Variants in SEH1L observed in about 807,000 individuals in gnomAD.
SEH1L encodes nucleoporin SEH1.
In SEH1L, 18 loss-of-function variants were observed where a neutral mutation model predicts 49.5. The ratio of observed to expected loss-of-function variants is 0.36; its 90% CI spans 0.25 to 0.54. The LOEUF is 0.54. SEH1L is among the 20% of genes least tolerant of loss of function. The probability of loss-of-function intolerance (pLI) is 0.87; values close to 1 mark genes in which losing one functional copy is unlikely to be tolerated. For missense variants in SEH1L, 404 were observed against 528.8 expected (o/e 0.76, Z 2.31); for synonymous variants, 169 against 178.1 (o/e 0.95, Z 0.41).
At chr18:12,949,033 T>G (rs1199950952) in intron 1 of SEH1L, among the ~76,000 whole-genome samples, 1 of 150,984 alleles carries the variant, frequency 6.6e-6, no homozygotes, top group Non-Finnish European at 1.5e-5. Context: ...TTTTTTTTTG[T>G]ATTTTTTAGT....
At chr18:12,960,929 T>G (rs2031143421) in intron 3 of SEH1L, among the ~76,000 whole-genome samples, 1 of 152,134 alleles carries the variant, frequency 6.6e-6, no homozygotes, top group African/African-American at 2.4e-5. Context: ...GAGTGGAAAT[T>G]TGTTAAAAAA....
At chr18:12,985,290 T>C in intron 8 of SEH1L, 3 of 1,603,670 alleles carry the variant, frequency 1.9e-6, no homozygotes, top group Non-Finnish European at 2.6e-6. Flanking sequence ...GTTTTGCTGC[T>C]TGTTGCATGC....
chr18:12,980,129 A>G (rs2032133863), intron 6 of SEH1L, among the ~76,000 whole-genome samples: 1 of 100,506 alleles, frequency 9.9e-6, no homozygotes, highest in Non-Finnish European at 1.9e-5. Flanking sequence ...GTCCGGGCAG[A>G]GGGGCTCCTC....
intron 7 of SEH1L, chr18:12,982,909 GAATATGC>G (rs1429542375): frequency 2.8e-6 from 1 of 351,744 alleles, no homozygotes; most frequent in East Asian, 5.2e-5. Context: ...AATTACAACA[GAATATGC>G]AATATCTCCA....
At chr18:12,979,767 C>G (rs2032096765) in intron 6 of SEH1L, among the ~76,000 whole-genome samples, 1 of 143,548 alleles carries the variant, frequency 7.0e-6, no homozygotes. Context: ...CACCTCCCTC[C>G]CGGACGGGGC....
intron 7 of SEH1L, 110 bp downstream of exon 7, chr18:12,982,785 T>C (rs1164817791): frequency 1.8e-5 from 14 of 774,222 alleles, no homozygotes; most frequent in Admixed American, 2.7e-5. Context: ...ACAGTTACTT[T>C]TAATGTCATA....
intron 5 of SEH1L, chr18:12,973,547 A>C (rs1237213466): frequency 1.3e-5 from 2 of 152,110 alleles, no homozygotes; most frequent in Non-Finnish European, 2.9e-5. Flanking sequence ...TGATCCACCC[A>C]CCTCGGCCTC....
At chr18:12,962,131 C>A (rs2031204803) in intron 3 of SEH1L, among the ~76,000 whole-genome samples, 1 of 152,030 alleles carries the variant, frequency 6.6e-6, no homozygotes, top group South Asian at 2.1e-4. Flanking sequence ...TGCAGTGGCT[C>A]ACACCTGTAA....
At chr18:12,958,575 G>C (rs1390635487) in intron 3 of SEH1L, among the ~76,000 whole-genome samples, 1 of 152,006 alleles carries the variant, frequency 6.6e-6, no homozygotes, top group Non-Finnish European at 1.5e-5. Flanking sequence ...AATTTGACTA[G>C]GTACTGCATG....
intron 7 of SEH1L, 99 bp downstream of exon 7, chr18:12,982,774 T>C: frequency 1.1e-6 from 1 of 913,068 alleles, no homozygotes. Flanking sequence ...AATGGTCTTT[T>C]ACAGTTACTT....
rs572760194 is a variant in SEH1L at position 12,952,119 on chromosome 18, C to T, written c.162+214C>T. Among the ~76,000 whole-genome samples, 135 of 150,534 alleles carry T rather than the reference C, an allele frequency of 9.0e-4. 1 individual carries two copies. The highest frequency in any genetic ancestry group is 3.2e-3 in the African/African-American group (129 of 40,888). On this transcript the variant is annotated intron_variant, in intron 2 of 8. Transcript: ENST00000399892. ...TTCTGTAGCATTCTAACATAATTAT[C>T]TTAGTAATTCAGAATATTCCTTTTG...
At chr18:12,950,606 T>C (rs979952575) in intron 1 of SEH1L, among the ~76,000 whole-genome samples, 1 of 152,210 alleles carries the variant, frequency 6.6e-6, no homozygotes, top group African/African-American at 2.4e-5. Context: ...ATTTTATGTA[T>C]TTTGAATGAT....
chr18:12,979,674 C>A (rs1310955328), intron 6 of SEH1L, among the ~76,000 whole-genome samples: 1 of 142,550 alleles, frequency 7.0e-6, no homozygotes, highest in African/African-American at 2.6e-5. Context: ...ACCTCCCGGA[C>A]GGGGTGGCTG....
chr18:12,952,648 A>T (rs1278281984), intron 2 of SEH1L, among the ~76,000 whole-genome samples: 1 of 152,098 alleles, frequency 6.6e-6, no homozygotes, highest in African/African-American at 2.4e-5. Flanking sequence ...CTTTTCTCTC[A>T]AACTCAGAAA....
rs753351887 is a variant in SEH1L, at chr18:12,971,237, T to C, written c.606T>C (p.Tyr202=). Residue 202 remains tyrosine, a synonymous_variant, in exon 5 of 9, where the codon TAT becomes TAC. Coordinates refer to ENST00000399892, the MANE Select transcript of SEH1L (RefSeq NM_001013437.2). ...NAMAKVQIFE[Y]NENTRKYAKA... ...TGGCCAAGGTTCAGATTTTTGAATA[T>C]AATGAAAACACCAGGTCAGTCCTGC... 3 of 1,609,740 alleles carry C rather than the reference T, an allele frequency of 1.9e-6. No individual in the cohort carries two copies. In the Admixed American group the frequency reaches 5.0e-5, roughly 27 times the overall value.
chr18:12,980,039 C>T (rs1363167054), intron 6 of SEH1L, among the ~76,000 whole-genome samples: 4 of 135,904 alleles, frequency 2.9e-5, no homozygotes, highest in African/African-American at 1.1e-4. Flanking sequence ...GCGGCTGACC[C>T]CCCCACCTCC....
intron 3 of SEH1L, among the ~76,000 whole-genome samples, chr18:12,955,893 A>G (rs989099943): frequency 3.3e-5 from 5 of 152,070 alleles, no homozygotes; most frequent in African/African-American, 1.2e-4. Context: ...TATGATAGTA[A>G]TATATGATTT....
chr18:12,982,760 T>A (rs192091365), intron 7 of SEH1L, 85 bp downstream of exon 7: 41,439 of 1,120,510 alleles, frequency 0.037, 1,068 homozygotes, highest in Middle Eastern at 0.073. Flanking sequence ...AAATATTTTT[T>A]GAAAATGGTC....
At chr18:12,948,308 G>T (rs1389426527) in intron 1 of SEH1L, 76 bp downstream of exon 1, 7 of 1,084,076 alleles carry the variant, frequency 6.5e-6, no homozygotes, top group Non-Finnish European at 8.3e-6. Flanking sequence ...GGGGAACGGG[G>T]CTGTGTCTTG....
Sources: gnomAD v4.1 joint callset for allele counts (sites outside exome capture counted in the v4.1 genomes callset) on GRCh38, gnomAD v4.1.1 for gene constraint, MANE v1.5 for transcripts, NCBI Gene and HGNC (gene_info 2026-07-23, HGNC 2026-07-21) for gene names.